DAPL1: variants seen among roughly 807,000 people sequenced by gnomAD.
DAPL1 encodes the protein death-associated protein-like 1.
Under a neutral mutation model 12.9 loss-of-function variants are expected in DAPL1, and 17 were observed. The ratio of observed to expected loss-of-function variants is 1.32; its 90% CI spans 0.90 to 1.98. The LOEUF is 1.98. Ranked by LOEUF, DAPL1 falls within the 30% of genes most tolerant of loss-of-function variation. The pLI is 0.00. For missense variants in DAPL1, 157 were observed against 125.7 expected, an observed-to-expected ratio of 1.25 and a Z score of -1.19; for synonymous variants, 51 against 42.0, an observed-to-expected ratio of 1.21 and a Z score of -0.82.
chr2:158,806,837 A>C (rs1390829100), intron 2 of DAPL1, among the ~76,000 whole-genome samples: 1 of 95,810 alleles, frequency 1.0e-5, no homozygotes, highest in Non-Finnish European at 2.0e-5. Context: ...ACTGTGTCTC[A>C]GAAAAAAAAA....
rs1310570375 is a variant in DAPL1, at chr2:158,804,131, TA to T, written c.59-150del. On this transcript the variant is annotated intron_variant, in intron 1 of 3. Coordinates refer to ENST00000309950, the MANE Select transcript of DAPL1 (RefSeq NM_001017920.3). ...ACACCTGGTTTGCCAATAAAATATA[TA>T]TATTTTTTATTGTGTTGTTTTATAC... 46 of 447,170 alleles carry T rather than the reference TA, an allele frequency of 1.0e-4. 1 individual carries two copies. In the Middle Eastern group the frequency reaches 2.3e-3, roughly 22 times the overall value. The allele number at this position is 447,170 out of a possible 1,614,324, so 27.7% of individuals were successfully genotyped here.
intron 1 of DAPL1, among the ~76,000 whole-genome samples, chr2:158,799,206 T>C (rs1324453818): frequency 2.0e-5 from 3 of 152,212 alleles, no homozygotes; most frequent in Non-Finnish European, 4.4e-5. Flanking sequence ...TGTCTATCTC[T>C]AGTTCATCTT....
At chr2:158,809,098 C>T (rs150579104) in intron 3 of DAPL1, among the ~76,000 whole-genome samples, 2,491 of 152,172 alleles carry the variant, frequency 0.016, 49 homozygotes, top group Admixed American at 0.024. Context: ...CGGTGGCTCA[C>T]GCCTGTAATC....
chr2:158,808,902 A>C (rs996510544), intron 3 of DAPL1, among the ~76,000 whole-genome samples: 2 of 152,236 alleles, frequency 1.3e-5, no homozygotes, highest in Non-Finnish European at 2.9e-5. Context: ...GCCAGAGTTT[A>C]CGTTCTGTTC....
intron 3 of DAPL1, among the ~76,000 whole-genome samples, chr2:158,811,288 T>C (rs913750701): frequency 3.3e-5 from 5 of 152,354 alleles, no homozygotes; most frequent in South Asian, 2.1e-4. Flanking sequence ...TTAATATCAC[T>C]GTAGGAGTAT....
At chr2:158,812,447 G>A (rs2059235851) in intron 3 of DAPL1, among the ~76,000 whole-genome samples, 1 of 152,170 alleles carries the variant, frequency 6.6e-6, no homozygotes, top group African/African-American at 2.4e-5. Flanking sequence ...AATGTAAAAT[G>A]ATCCAGCTGC....
At chr2:158,804,954 A>G (rs1473774218) in intron 2 of DAPL1, among the ~76,000 whole-genome samples, 1 of 152,234 alleles carries the variant, frequency 6.6e-6, no homozygotes, top group African/African-American at 2.4e-5. Context: ...GGGCTGGATC[A>G]GGTAAGCAAA....
intron 2 of DAPL1, among the ~76,000 whole-genome samples, chr2:158,806,771 G>A (rs2059203985): frequency 6.6e-6 from 1 of 151,828 alleles, no homozygotes; most frequent in East Asian, 1.9e-4. Context: ...AGGAGGCAGA[G>A]GTTGCAGTGA....
At chr2:158,807,151 A>C in intron 3 of DAPL1, 36 bp downstream of exon 3, 2 of 1,555,694 alleles carry the variant, frequency 1.3e-6, no homozygotes, top group Non-Finnish European at 1.8e-6. Context: ...GCTCCAAGTC[A>C]ATCTGCCCAG....
intron 1 of DAPL1, among the ~76,000 whole-genome samples, chr2:158,799,479 G>T (rs1575224318): frequency 6.6e-6 from 1 of 152,040 alleles, no homozygotes; most frequent in South Asian, 2.1e-4. Flanking sequence ...TGATTGTGTT[G>T]CATTGTAAAT....
intron 3 of DAPL1, among the ~76,000 whole-genome samples, chr2:158,812,465 A>G (rs1269514690): frequency 6.6e-6 from 1 of 152,186 alleles, no homozygotes; most frequent in African/African-American, 2.4e-5. Context: ...TGCTGTGGAA[A>G]ACAATACAGT....
rs17810398 is a variant in DAPL1, at chr2:158,804,358, C to T, written c.135C>T (p.Phe45=). 188,906 of 1,606,386 alleles carry T rather than the reference C, an allele frequency of 0.12. 12,675 individuals are homozygous for T. The highest frequency in any genetic ancestry group is 0.13 in the Non-Finnish European group (154,718 of 1,175,030). ...TLERHTKKTG[F]EKTSAIANVA... ...AAAGACATACCAAAAAAACAGGATT[C>T]GAGAAAACAAGGTAGGGACTCTTAA... is the stretch of plus-strand genomic sequence containing the variant. Residue 45 remains phenylalanine (F), a synonymous_variant, in exon 2 of 4, where the codon TTC becomes TTT. Transcript: ENST00000309950.
rs1575225382 is a variant in DAPL1 at position 158,801,398 on chromosome 2, T to C, written c.59-2884T>C. Among the ~76,000 whole-genome samples the C allele has an allele frequency of 2.0e-5, 3 of 152,316 alleles. 1 individual carries two copies. The Middle Eastern group carries it at 0.01, about 518-fold the overall frequency. On this transcript the variant is annotated intron_variant, in intron 1 of 3. Transcript: ENST00000309950. ...CATTAAGCAACAGTGCTATGAGCAG[T>C]CACCATCTCCCATACAGAGGCACAC...
chr2:158,796,891 A>G (rs1407440043), intron 1 of DAPL1, among the ~76,000 whole-genome samples: 1 of 152,198 alleles, frequency 6.6e-6, no homozygotes, highest in Non-Finnish European at 1.5e-5. Flanking sequence ...CTGTGACACT[A>G]CAGATAAGAG....
At chr2:158,814,507 C>A (rs372865619) in intron 3 of DAPL1, among the ~76,000 whole-genome samples, 1 of 152,212 alleles carries the variant, frequency 6.6e-6, no homozygotes, top group South Asian at 2.1e-4. Context: ...TTCTATCCCC[C>A]AGAGGTAACC....
intron 3 of DAPL1, 30 bp from the exon 4 acceptor site, chr2:158,815,675 G>A (rs1386564054): frequency 1.5e-6 from 2 of 1,319,788 alleles, no homozygotes; most frequent in South Asian, 1.2e-5. Context: ...GATCCAATAT[G>A]CCTATTTTTT....
rs752008830 is a variant in DAPL1 at position 158,815,870 on chromosome 2, C to G, written c.*49C>G. Reference sequence around the variant, plus strand: ...CTGGCCAGCTGCCTCGAATATCTGACAGCTTAGCAAAAAGGGCCAAAGCTT... The same window carrying G: ...CTGGCCAGCTGCCTCGAATATCTGAGAGCTTAGCAAAAAGGGCCAAAGCTT... On this transcript the variant is annotated 3_prime_UTR_variant, in exon 4 of 4. Coordinates refer to ENST00000309950, the MANE Select transcript of DAPL1 (RefSeq NM_001017920.3). 10 of 1,379,472 alleles carry G rather than the reference C, an allele frequency of 7.2e-6. No homozygotes were observed. The highest frequency in any genetic ancestry group is 3.4e-5 in the Admixed American group (2 of 59,316). 85.5% of individuals were successfully genotyped at this position (1,379,472 alleles called of 1,614,324 possible).
At chr2:158,799,612 C>T (rs59554102) in intron 1 of DAPL1, among the ~76,000 whole-genome samples, 5,797 of 152,158 alleles carry the variant, frequency 0.038, 327 homozygotes, top group African/African-American at 0.12. Context: ...CAGCCCAAAT[C>T]TATATCAGTG....
intron 3 of DAPL1, among the ~76,000 whole-genome samples, chr2:158,810,058 C>T (rs1386925342): frequency 6.6e-6 from 1 of 152,114 alleles, no homozygotes; most frequent in Non-Finnish European, 1.5e-5. Flanking sequence ...TGGTTGTAGT[C>T]ACAAACTGTA....
Sources: gnomAD v4.1 joint callset for allele counts (sites outside exome capture counted in the v4.1 genomes callset) on GRCh38, gnomAD v4.1.1 for gene constraint, MANE v1.5 for transcripts, NCBI Gene and HGNC (gene_info 2026-07-23, HGNC 2026-07-21) for gene names.